The following SBF2 variants were observed in gnomAD, a reference collection of about 807,000 sequenced individuals.
SBF2 encodes the protein myotubularin-related protein 13.
In SBF2, 112 loss-of-function variants were observed where a neutral mutation model predicts 225.2. The ratio of observed to expected loss-of-function variants is 0.50; its 90% CI spans 0.43 to 0.58. The LOEUF (loss-of-function observed/expected upper bound fraction) is 0.58, where lower values mean the gene tolerates loss of function less well. Among genes scored for constraint, SBF2 ranks in the 20% least tolerant of loss-of-function variants. The pLI is 0.00. For synonymous variants in SBF2, 763 were observed against 773.3 expected (o/e 0.99, Z 0.22); for missense variants, 1,996 against 2,206.2 (o/e 0.90, Z 1.91).
chr11:10,148,948 G>A (rs770923365), intron 2 of SBF2, among the ~76,000 whole-genome samples: 4 of 151,920 alleles, frequency 2.6e-5, no homozygotes, highest in African/African-American at 4.8e-5. Flanking sequence ...GTTATCTCCC[G>A]TGGCCACATA....
At chr11:9,968,640 G>A in intron 13 of SBF2, 95 bp from the exon 14 acceptor site, 3 of 973,392 alleles carry the variant, frequency 3.1e-6, no homozygotes, top group Non-Finnish European at 5.0e-6. Context: ...CACGAGCTGG[G>A]TAGTTATACA....
chr11:10,248,377 C>T (rs1189968297), intron 1 of SBF2, among the ~76,000 whole-genome samples: 2 of 152,136 alleles, frequency 1.3e-5, no homozygotes, highest in Non-Finnish European at 2.9e-5. Context: ...GTGATTAGGC[C>T]TCTTAAATGC....
At position 9,832,940 on chromosome 11, in the gene SBF2, T is replaced by C. The variant is rs147262849; in HGVS notation, c.3456-520A>G. Reference sequence around the variant, plus strand: ...ATTATGTAGAATTCTTTAAAAGGCCTCTGTTGAACTATTTCCCTTGCCTTA... The same window carrying C: ...ATTATGTAGAATTCTTTAAAAGGCCCCTGTTGAACTATTTCCCTTGCCTTA... On this transcript the variant is annotated intron_variant, in intron 26 of 39. Coordinates refer to ENST00000256190, the MANE Select transcript of SBF2 (RefSeq NM_030962.4). Among the ~76,000 whole-genome samples the C allele has an allele frequency of 4.6e-5, 7 of 152,354 alleles. No individual in the cohort carries two copies. In the East Asian group the frequency reaches 1.3e-3, roughly 29 times the overall value.
chr11:10,211,372 C>A (rs899881654), intron 1 of SBF2, among the ~76,000 whole-genome samples: 1 of 152,168 alleles, frequency 6.6e-6, no homozygotes, highest in African/African-American at 2.4e-5. Flanking sequence ...TGACTTCAAA[C>A]CCAGAGAGAC....
intron 2 of SBF2, among the ~76,000 whole-genome samples, chr11:10,059,909 A>T (rs1292082842): frequency 6.6e-6 from 1 of 152,194 alleles, no homozygotes; most frequent in Non-Finnish European, 1.5e-5. Context: ...ATAGCACTAA[A>T]TGTCCACATC....
At chr11:10,292,147 T>C (rs7111631) in intron 1 of SBF2, among the ~76,000 whole-genome samples, 152,378 of 152,378 alleles carry the variant, frequency 1, 76,189 homozygotes, top group Non-Finnish European at 1. Flanking sequence ...AAGAGATTAC[T>C]AGCACAATCA....
intron 2 of SBF2, among the ~76,000 whole-genome samples, chr11:10,164,588 C>A (rs528922781): frequency 6.6e-6 from 1 of 152,246 alleles, no homozygotes; most frequent in South Asian, 2.1e-4. Context: ...TTACCAAAAT[C>A]CTAATTTATA....
At chr11:10,095,532 T>C (rs1951980028) in intron 2 of SBF2, among the ~76,000 whole-genome samples, 1 of 134,166 alleles carries the variant, frequency 7.5e-6, no homozygotes, top group South Asian at 2.5e-4. Context: ...GGAATATCAC[T>C]GAACTCCACA....
intron 1 of SBF2, among the ~76,000 whole-genome samples, chr11:10,291,659 C>CAA (rs1964165760): frequency 3.3e-4 from 1 of 3,058 alleles, no homozygotes; most frequent in African/African-American, 4.8e-4. Flanking sequence ...ATCCACTAAA[C>CAA]ACACACACAC....
chr11:10,070,648 T>C (rs1950827538), intron 2 of SBF2, among the ~76,000 whole-genome samples: 1 of 152,224 alleles, frequency 6.6e-6, no homozygotes, highest in South Asian at 2.1e-4. Context: ...GTGGGCTCTT[T>C]TTTGGTTCCA....
At chr11:10,270,534 G>A (rs914957177) in intron 1 of SBF2, among the ~76,000 whole-genome samples, 1 of 152,054 alleles carries the variant, frequency 6.6e-6, no homozygotes, top group Non-Finnish European at 1.5e-5. Flanking sequence ...CTGTCTCAAG[G>A]GTAGCAGAGG....
At chr11:9,849,566 T>C (rs7108907) in intron 22 of SBF2, among the ~76,000 whole-genome samples, 12,413 of 152,158 alleles carry the variant, frequency 0.082, 583 homozygotes, top group East Asian at 0.16. Flanking sequence ...TGGAGTTAAT[T>C]GGAATGGAAT....
intron 1 of SBF2, among the ~76,000 whole-genome samples, chr11:10,273,302 T>C (rs1056374193): frequency 2.6e-5 from 4 of 152,204 alleles, no homozygotes; most frequent in Admixed American, 6.5e-5. Context: ...ACAAGTTAAA[T>C]CAGCCCAGGA....
At chr11:10,129,097 TC>T in intron 2 of SBF2, among the ~76,000 whole-genome samples, 1 of 109,652 alleles carries the variant, frequency 9.1e-6, no homozygotes, top group Non-Finnish European at 2.0e-5. Flanking sequence ...CGCAATTTTC[TC>T]TCTTTTTTTT....
At chr11:10,014,933 C>T (rs903595036) in intron 6 of SBF2, among the ~76,000 whole-genome samples, 1 of 151,908 alleles carries the variant, frequency 6.6e-6, no homozygotes, top group Admixed American at 6.6e-5. Context: ...AGTTTGAGAC[C>T]AGCCTGGGTA....
chr11:10,215,143 T>A (rs1958082791), intron 1 of SBF2, among the ~76,000 whole-genome samples: 1 of 152,198 alleles, frequency 6.6e-6, no homozygotes, highest in Non-Finnish European at 1.5e-5. Flanking sequence ...ACTTTTCTCA[T>A]AATCTAAACC....
intron 6 of SBF2, among the ~76,000 whole-genome samples, chr11:10,019,678 A>AT (rs1302845700): frequency 6.6e-6 from 1 of 152,044 alleles, no homozygotes; most frequent in African/African-American, 2.4e-5. Flanking sequence ...AGACGACTTC[A>AT]TTTTTTCCCC....
intron 17 of SBF2, among the ~76,000 whole-genome samples, chr11:9,863,666 CA>C (rs1249300674): frequency 6.6e-6 from 1 of 151,582 alleles, no homozygotes; most frequent in Non-Finnish European, 1.5e-5. Flanking sequence ...GAGAGACAAA[CA>C]AAAGGAAGAC....
At chr11:10,297,148 C>T (rs1038734249), upstream of SBF2, among the ~76,000 whole-genome samples, 9 of 151,950 alleles carry the variant, frequency 5.9e-5, no homozygotes, top group East Asian at 7.7e-4. Flanking sequence ...CCATTCTGTA[C>T]GTTGTCTTTT....
Sources: allele counts gnomAD v4.1 joint callset (sites outside exome capture counted in the v4.1 genomes callset), GRCh38; gene constraint gnomAD v4.1.1; transcripts MANE v1.5; gene names NCBI Gene and HGNC (gene_info 2026-07-23, HGNC 2026-07-21).